GNA14: variants seen among roughly 807,000 people sequenced by gnomAD.
The protein encoded by GNA14 is G protein subunit alpha 14.
A neutral mutation model predicts 42.0 loss-of-function variants in GNA14; 50 were observed. That is an observed-to-expected ratio of 1.19 (90% CI 0.95 to 1.51). GNA14 has a LOEUF of 1.51. Among genes scored for constraint, GNA14 ranks in the 40% most tolerant of loss-of-function variants. The pLI, the probability that GNA14 is intolerant of heterozygous loss-of-function variation, is 0.00. For missense variants in GNA14, 473 were observed against 446.2 expected, an observed-to-expected ratio of 1.06 and a Z score of -0.54; for synonymous variants, 173 against 163.1, an observed-to-expected ratio of 1.06 and a Z score of -0.46.
intron 1 of GNA14, among the ~76,000 whole-genome samples, chr9:77,638,835 T>C (rs185243252): frequency 1.3e-5 from 2 of 152,314 alleles, no homozygotes; most frequent in Non-Finnish European, 2.9e-5. Context: ...TGGTGAGATT[T>C]GGCAAATGTT....
At chr9:77,525,151 C>G (rs1264997312) in intron 2 of GNA14, among the ~76,000 whole-genome samples, 2 of 152,182 alleles carry the variant, frequency 1.3e-5, no homozygotes, top group African/African-American at 4.8e-5. Flanking sequence ...TATTCGTTTA[C>G]TTATTAGATA....
chr9:77,609,955 C>A (rs1261879623), intron 1 of GNA14, among the ~76,000 whole-genome samples: 1 of 152,152 alleles, frequency 6.6e-6, no homozygotes, highest in African/African-American at 2.4e-5. Flanking sequence ...CTTTAGGAAG[C>A]TCATCAAACA....
intron 2 of GNA14, among the ~76,000 whole-genome samples, chr9:77,469,395 T>C (rs968445475): frequency 6.8e-6 from 1 of 147,248 alleles, no homozygotes; most frequent in Admixed American, 6.7e-5. Context: ...AAAAGAACTT[T>C]CCAGACAAAT....
chr9:77,547,742 C>A (rs1037026884), intron 1 of GNA14, among the ~76,000 whole-genome samples: 6 of 152,124 alleles, frequency 3.9e-5, no homozygotes, highest in Non-Finnish European at 7.3e-5. Flanking sequence ...AACCCTTTGA[C>A]CCTCAGCTTC....
At chr9:77,522,316 G>A (rs1023023547) in intron 2 of GNA14, among the ~76,000 whole-genome samples, 2 of 152,114 alleles carry the variant, frequency 1.3e-5, no homozygotes, top group Non-Finnish European at 2.9e-5. Flanking sequence ...GCCCCCATCC[G>A]CATCTCAGAG....
chr9:77,458,521 A>G (rs951420664), intron 2 of GNA14, among the ~76,000 whole-genome samples: 1 of 152,186 alleles, frequency 6.6e-6, no homozygotes, highest in Non-Finnish European at 1.5e-5. Flanking sequence ...TCAAAGTCTC[A>G]TCAGAATATG....
chr9:77,470,816 C>T (rs1283452693), intron 2 of GNA14, among the ~76,000 whole-genome samples: 1 of 152,114 alleles, frequency 6.6e-6, no homozygotes, highest in Non-Finnish European at 1.5e-5. Context: ...GGGAAGCAAG[C>T]ACGTTTTACC....
intron 2 of GNA14, among the ~76,000 whole-genome samples, chr9:77,495,966 G>A (rs888175864): frequency 6.6e-6 from 1 of 152,176 alleles, no homozygotes; most frequent in African/African-American, 2.4e-5. Context: ...AATGGAGAGT[G>A]TGTATGATCC....
intron 2 of GNA14, among the ~76,000 whole-genome samples, chr9:77,448,528 T>C (rs1199361851): frequency 6.6e-6 from 1 of 152,258 alleles, no homozygotes; most frequent in Admixed American, 6.5e-5. Flanking sequence ...GTAAATTAGA[T>C]GCATTTTTGA....
intron 5 of GNA14, among the ~76,000 whole-genome samples, chr9:77,427,733 C>G (rs1486484750): frequency 7.7e-6 from 1 of 129,116 alleles, no homozygotes; most frequent in Non-Finnish European, 1.7e-5. Context: ...TATGGCCACT[C>G]TGAGGGGACA....
At chr9:77,528,698 T>C (rs748431285) in intron 2 of GNA14, among the ~76,000 whole-genome samples, 9 of 152,186 alleles carry the variant, frequency 5.9e-5, no homozygotes, top group Non-Finnish European at 1.0e-4. Flanking sequence ...AGACTGGGAA[T>C]TCTTGAAACG....
chr9:77,588,772 G>A (rs941080646), intron 1 of GNA14, among the ~76,000 whole-genome samples: 1 of 152,186 alleles, frequency 6.6e-6, no homozygotes, highest in South Asian at 2.1e-4. Context: ...CTTAGCCCCA[G>A]GAAGTCCTTC....
In GNA14 at chr9:77,504,883, G is replaced by C. The variant is rs1433495644; in HGVS notation, c.309+24186C>G. 2.0e-5 allele frequency among the ~76,000 whole-genome samples: 3 copies of C among 151,864 alleles called. No homozygotes were observed. The East Asian group carries it at 5.8e-4, about 29-fold the overall frequency. ...GGGTTTCATCACGTTGGGCAGGATG[G>C]TCTCAATCTCCTGACCTCATGATCC... On this transcript the variant is annotated intron_variant, in intron 2 of 6. Transcript: ENST00000341700.
At chr9:77,549,563 G>C (rs183211009) in intron 1 of GNA14, among the ~76,000 whole-genome samples, 2 of 152,266 alleles carry the variant, frequency 1.3e-5, no homozygotes, top group Admixed American at 1.3e-4. Context: ...CCCACAACTA[G>C]ATTAAAAATA....
intron 2 of GNA14, among the ~76,000 whole-genome samples, chr9:77,487,969 T>C (rs968404331): frequency 3.3e-5 from 5 of 152,070 alleles, no homozygotes; most frequent in Admixed American, 1.3e-4. Flanking sequence ...AAAAACCCAG[T>C]TGACATCACA....
At chr9:77,501,090 G>T (rs1004844897) in intron 2 of GNA14, among the ~76,000 whole-genome samples, 1 of 152,108 alleles carries the variant, frequency 6.6e-6, no homozygotes. Context: ...AAATAACTGG[G>T]ACTACAGGCA....
intron 1 of GNA14, among the ~76,000 whole-genome samples, chr9:77,641,175 A>AGGGC (rs1824262242): frequency 7.7e-6 from 1 of 130,288 alleles, no homozygotes; most frequent in Admixed American, 9.1e-5. Context: ...GAAGGAAGGA[A>AGGGC]GGGCAAAGGT....
At chr9:77,504,065 A>G (rs1416811544) in intron 2 of GNA14, among the ~76,000 whole-genome samples, 1 of 152,126 alleles carries the variant, frequency 6.6e-6, no homozygotes, top group Non-Finnish European at 1.5e-5. Context: ...GTGAGACCCT[A>G]TCACCTCTCT....
intron 1 of GNA14, among the ~76,000 whole-genome samples, chr9:77,583,644 A>G (rs887336359): frequency 6.6e-6 from 1 of 152,184 alleles, no homozygotes; most frequent in Admixed American, 6.5e-5. Flanking sequence ...GATCCCCATC[A>G]TCTCTTCTCC....
Sources: gnomAD v4.1 joint callset for allele counts (sites outside exome capture counted in the v4.1 genomes callset) on GRCh38, gnomAD v4.1.1 for gene constraint, MANE v1.5 for transcripts, NCBI Gene and HGNC (gene_info 2026-07-23, HGNC 2026-07-21) for gene names.